The following NALF1 variants were observed in gnomAD, a reference collection of about 807,000 sequenced individuals.
NALF1 encodes the protein NALCN channel auxiliary factor 1.
In NALF1, 3 loss-of-function variants were observed where a neutral mutation model predicts 48.4. The ratio of observed to expected loss-of-function variants is 0.06; its 90% CI spans 0.03 to 0.16. The LOEUF is 0.16. Ranked by LOEUF, NALF1 falls within the 10% of genes least tolerant of loss-of-function variation. The probability of loss-of-function intolerance (pLI) is 1.00; values close to 1 mark genes in which losing one functional copy is unlikely to be tolerated. For synonymous variants in NALF1, 262 were observed against 245.7 expected, an observed-to-expected ratio of 1.07 and a Z score of -0.62; for missense variants, 526 against 571.5, an observed-to-expected ratio of 0.92 and a Z score of 0.81.
At chr13:107,175,074 A>T (rs1418881154) in intron 2 of NALF1, among the ~76,000 whole-genome samples, 32 of 114,682 alleles carry the variant, frequency 2.8e-4, no homozygotes, top group African/African-American at 1.1e-3. Context: ...TATTTTTAGT[A>T]GAGACGGGGT....
chr13:107,378,935 G>C (rs1212883975), intron 1 of NALF1, among the ~76,000 whole-genome samples: 1 of 151,996 alleles, frequency 6.6e-6, no homozygotes, highest in Non-Finnish European at 1.5e-5. Context: ...AGAACAATCA[G>C]GGTTTGATAT....
Position 107,816,597 on chromosome 13 carries a change from T to C in NALF1, c.915+49085A>G, listed in dbSNP as rs139767360. ...GGAATTATGGGAGTATAAATCAAGA[T>C]AAGATTTGGGTGAGGACACAGAGCC... On this transcript the variant is annotated intron_variant, in intron 1 of 2. Coordinates refer to ENST00000375915, the MANE Select transcript of NALF1 (RefSeq NM_001080396.3). Among the ~76,000 whole-genome samples, 556 of 152,208 alleles carry C rather than the reference T, an allele frequency of 3.7e-3. 2 individuals carry two copies. Among genetic ancestry groups the C allele is most frequent in the African/African-American group, 0.013 (535 of 41,532 alleles).
At chr13:107,435,263 T>TA (rs1425853766) in intron 1 of NALF1, among the ~76,000 whole-genome samples, 2 of 152,026 alleles carry the variant, frequency 1.3e-5, no homozygotes, top group Non-Finnish European at 2.9e-5. Context: ...CCATAGGTTC[T>TA]AAAAACCTTT....
chr13:107,752,403 A>G (rs1406570509), intron 1 of NALF1, among the ~76,000 whole-genome samples: 1 of 152,168 alleles, frequency 6.6e-6, no homozygotes, highest in Non-Finnish European at 1.5e-5. Context: ...TGTTATACAT[A>G]TATTGTATAA....
At chr13:107,459,536 A>G (rs1043875835) in intron 1 of NALF1, among the ~76,000 whole-genome samples, 2 of 152,142 alleles carry the variant, frequency 1.3e-5, no homozygotes, top group African/African-American at 4.8e-5. Flanking sequence ...AGAGACCACA[A>G]TAATATTGTC....
chr13:107,854,385 C>A lies in NALF1; in HGVS notation c.915+11297G>T, dbSNP rs529928011. On this transcript the variant is annotated intron_variant, in intron 1 of 2. Coordinates refer to ENST00000375915, the MANE Select transcript of NALF1 (RefSeq NM_001080396.3). ...TGAGGCCATTGCCTGAGAAGGCATA[C>A]CTGCCTGACAACTTGTTGGCTAGTG... Among the ~76,000 whole-genome samples the A allele has an allele frequency of 5.9e-5, 9 of 152,324 alleles. No homozygotes were observed. In the South Asian group the frequency reaches 1.9e-3, roughly 32 times the overall value.
At chr13:107,729,447 T>C (rs1411187277) in intron 1 of NALF1, among the ~76,000 whole-genome samples, 1 of 151,874 alleles carries the variant, frequency 6.6e-6, no homozygotes, top group African/African-American at 2.4e-5. Context: ...GGAAATGTAA[T>C]GTATAAAGTT....
intron 1 of NALF1, among the ~76,000 whole-genome samples, chr13:107,421,783 T>C (rs2139009400): frequency 6.6e-6 from 1 of 152,268 alleles, no homozygotes; most frequent in Non-Finnish European, 1.5e-5. Flanking sequence ...CCTTGTCAAT[T>C]TTTGACCTTT....
At chr13:107,337,721 A>T (rs1882587383) in intron 1 of NALF1, among the ~76,000 whole-genome samples, 1 of 152,172 alleles carries the variant, frequency 6.6e-6, no homozygotes, top group South Asian at 2.1e-4. Context: ...GTATCCAGGG[A>T]TTAGGGATCA....
At chr13:107,254,334 G>A (rs1880768710) in intron 1 of NALF1, among the ~76,000 whole-genome samples, 1 of 152,060 alleles carries the variant, frequency 6.6e-6, no homozygotes, top group Non-Finnish European at 1.5e-5. Flanking sequence ...TCAGCCTTAC[G>A]CCATACTGAA....
intron 1 of NALF1, among the ~76,000 whole-genome samples, chr13:107,575,917 G>C (rs985331408): frequency 3.3e-5 from 5 of 151,836 alleles, no homozygotes; most frequent in Admixed American, 1.3e-4. Context: ...GTCTAGGCGT[G>C]TATGTTTATA....
chr13:107,784,641 T>C (rs972282635), intron 1 of NALF1, among the ~76,000 whole-genome samples: 1 of 151,698 alleles, frequency 6.6e-6, no homozygotes, highest in Non-Finnish European at 1.5e-5. Flanking sequence ...AACAAACATA[T>C]GAAAAAATGC....
At chr13:107,446,727 G>C (rs945423440) in intron 1 of NALF1, among the ~76,000 whole-genome samples, 1 of 152,046 alleles carries the variant, frequency 6.6e-6, no homozygotes, top group Admixed American at 6.6e-5. Flanking sequence ...ATCTCTGAGA[G>C]AATACATAGG....
intron 1 of NALF1, among the ~76,000 whole-genome samples, chr13:107,659,231 G>C (rs1880666628): frequency 6.6e-6 from 1 of 151,982 alleles, no homozygotes; most frequent in African/African-American, 2.4e-5. Flanking sequence ...CCACCCACCA[G>C]GGTGAATCAG....
At chr13:107,611,555 G>A (rs185518281) in intron 1 of NALF1, among the ~76,000 whole-genome samples, 69 of 152,192 alleles carry the variant, frequency 4.5e-4, no homozygotes, top group African/African-American at 1.5e-3. Context: ...TCTTGAGAAT[G>A]TTATATTAAG....
chr13:107,526,248 T>C (rs1255264412), intron 1 of NALF1, among the ~76,000 whole-genome samples: 2 of 152,104 alleles, frequency 1.3e-5, no homozygotes, highest in Admixed American at 1.3e-4. Context: ...GGGAGTACGA[T>C]CTTAAGATAG....
At chr13:107,556,671 G>C (rs1334511867) in intron 1 of NALF1, among the ~76,000 whole-genome samples, 1 of 69,990 alleles carries the variant, frequency 1.4e-5, no homozygotes, top group Non-Finnish European at 3.4e-5. Flanking sequence ...GTATTTATTA[G>C]AGACGGGGTT....
chr13:107,255,196 T>C (rs1342435948), intron 1 of NALF1, among the ~76,000 whole-genome samples: 1 of 152,206 alleles, frequency 6.6e-6, no homozygotes. Flanking sequence ...ATCCTCAGCC[T>C]GAGTGGCAGT....
At chr13:107,375,230 T>C (rs1351534288) in intron 1 of NALF1, among the ~76,000 whole-genome samples, 2 of 152,174 alleles carry the variant, frequency 1.3e-5, no homozygotes, top group Non-Finnish European at 2.9e-5. Context: ...ATGTATTATG[T>C]GTTTAGCTTT....
Sources: gnomAD v4.1 joint callset for allele counts (sites outside exome capture counted in the v4.1 genomes callset) on GRCh38, gnomAD v4.1.1 for gene constraint, MANE v1.5 for transcripts, NCBI Gene and HGNC (gene_info 2026-07-23, HGNC 2026-07-21) for gene names.